The following SEL1L3 variants were observed in gnomAD, a reference collection of about 807,000 sequenced individuals.
SEL1L3 encodes protein sel-1 homolog 3.
In SEL1L3, 76 loss-of-function variants were observed where a neutral mutation model predicts 142.8. That is an observed-to-expected ratio of 0.53 (90% CI 0.44 to 0.64). SEL1L3 has a LOEUF of 0.64. Ranked by LOEUF, SEL1L3 falls within the 30% of genes least tolerant of loss-of-function variation. SEL1L3 has a pLI of 0.00. For missense variants in SEL1L3, 1,262 were observed against 1,381.7 expected (o/e 0.91, Z 1.37); for synonymous variants, 504 against 519.6 (o/e 0.97, Z 0.41).
intron 9 of SEL1L3, among the ~76,000 whole-genome samples, chr4:25,807,767 C>T (rs1229590271): frequency 6.6e-6 from 1 of 152,054 alleles, no homozygotes; most frequent in Non-Finnish European, 1.5e-5. Context: ...TTAGCAGGAG[C>T]GCCCAGGTAG....
At chr4:25,753,591 G>A (rs1305237685) in intron 23 of SEL1L3, among the ~76,000 whole-genome samples, 5 of 152,220 alleles carry the variant, frequency 3.3e-5, no homozygotes, top group South Asian at 2.1e-4. Flanking sequence ...GAGCAGCATC[G>A]CCTTTGCAGC....
chr4:25,806,105 C>T (rs1713545756), intron 9 of SEL1L3, among the ~76,000 whole-genome samples: 2 of 145,606 alleles, frequency 1.4e-5, no homozygotes, highest in African/African-American at 5.1e-5. Context: ...GTGGCGCGAT[C>T]TCGGTTCACT....
rs75277956 is a variant in SEL1L3, at chr4:25,788,615, T to C, written c.2077-251A>G. Among the ~76,000 whole-genome samples the C allele has an allele frequency of 0.088, 13,192 of 150,622 alleles. 671 individuals carry two copies. The highest frequency in any genetic ancestry group is 0.19 in the South Asian group (916 of 4,768). ...GTGTGTGTGTGTGTGTGTGTGTGTG[T>C]GTGTGTATCTACTGTACCCAGGACC... On this transcript the variant is annotated intron_variant, in intron 12 of 23. Transcript: ENST00000399878. The surrounding 1 kb of genome is among the most constrained non-coding windows in gnomAD (Gnocchi z 5.3).
At chr4:25,803,313 C>T (rs1486591700) in intron 10 of SEL1L3, among the ~76,000 whole-genome samples, 8 of 152,274 alleles carry the variant, frequency 5.3e-5, no homozygotes, top group South Asian at 4.1e-4. Flanking sequence ...GGACTGCTTC[C>T]GGGACTCAGG....
In SEL1L3 at chr4:25,762,907, C is replaced by T. The variant is rs557147413; in HGVS notation, c.2955+2419G>A. On this transcript the variant is annotated intron_variant, in intron 20 of 23. Coordinates refer to ENST00000399878, the MANE Select transcript of SEL1L3 (RefSeq NM_015187.5). ...AGGAGAATCACCTGAACCTGGGAGG[C>T]GGAAGTTGCAGTGAGCCGAGATCAT... Among the ~76,000 whole-genome samples the T allele has an allele frequency of 2.2e-4, 33 of 149,322 alleles. No individual in the cohort carries two copies. The Middle Eastern group carries it at 0.01, about 47-fold the overall frequency.
intron 9 of SEL1L3, 43 bp from the exon 10 acceptor site, chr4:25,804,795 G>A (rs759966367): frequency 1.4e-6 from 2 of 1,389,274 alleles, no homozygotes; most frequent in Non-Finnish European, 1.0e-6. Context: ...TAATTACCAT[G>A]GGATCGATGT....
chr4:25,746,531 A>AAT (rs376998677), downstream of SEL1L3, among the ~76,000 whole-genome samples: 68,573 of 117,416 alleles, frequency 0.58, 20,972 homozygotes, highest in East Asian at 0.69. Flanking sequence ...TATATATTTA[A>AAT]ATATATATAT....
chr4:25,790,158 C>T (rs1421102003), intron 12 of SEL1L3, among the ~76,000 whole-genome samples: 1 of 152,138 alleles, frequency 6.6e-6, no homozygotes, highest in Non-Finnish European at 1.5e-5. Context: ...AGAGGGGCCA[C>T]GTGATTTGCA....
At chr4:25,804,405 C>T (rs1006262399) in intron 10 of SEL1L3, 136 bp downstream of exon 10, 5 of 674,396 alleles carry the variant, frequency 7.4e-6, no homozygotes, top group Non-Finnish European at 1.0e-5. Context: ...AGCCCCAGGA[C>T]ATTTATCTTG....
chr4:25,861,072 G>T (rs867434133), intron 1 of SEL1L3, among the ~76,000 whole-genome samples: 2 of 152,128 alleles, frequency 1.3e-5, no homozygotes, highest in African/African-American at 4.8e-5. Context: ...TGTCCACGTG[G>T]AACTTTTCGG....
intron 2 of SEL1L3, among the ~76,000 whole-genome samples, chr4:25,837,100 ATTTGGGCCC>A: frequency 1.3e-5 from 2 of 152,046 alleles, no homozygotes; most frequent in East Asian, 3.9e-4. Flanking sequence ...TTTGAGCTCA[ATTTGGGCCC>A]ACTGGACTTG....
chr4:25,833,424 T>G (rs769824044), intron 4 of SEL1L3, 24 bp downstream of exon 4: 4 of 1,599,826 alleles, frequency 2.5e-6, no homozygotes, highest in Non-Finnish European at 3.4e-6. Context: ...CAATATCATT[T>G]TAAAGGTTCT....
At chr4:25,776,388 C>T (rs745914726) in intron 16 of SEL1L3, 28 bp from the exon 17 acceptor site, 12 of 1,468,338 alleles carry the variant, frequency 8.2e-6, no homozygotes, top group East Asian at 2.3e-5. Context: ...AGAGAAAATA[C>T]GCAAACCATG....
At chr4:25,805,183 A>G (rs759013400) in intron 9 of SEL1L3, among the ~76,000 whole-genome samples, 1 of 152,232 alleles carries the variant, frequency 6.6e-6, no homozygotes, top group Non-Finnish European at 1.5e-5. Context: ...CCTTAGTTTT[A>G]GATGCTTTCT....
In SEL1L3 at chr4:25,785,820, C is replaced by A. The variant is rs925767402; in HGVS notation, c.2218-1530G>T. Among the ~76,000 whole-genome samples the A allele has an allele frequency of 9.9e-5, 15 of 152,258 alleles. No individual in the cohort carries two copies. In the South Asian group the frequency reaches 2.1e-3, roughly 21 times the overall value. The stretch of plus-strand genomic sequence containing the variant: ...GGTTGAAGTATAATAAGTTTATCTT[C>A]TCCAACTCTTTTTTGTTTTGAAGAA... On this transcript the variant is annotated intron_variant, in intron 13 of 23. Coordinates refer to ENST00000399878, the MANE Select transcript of SEL1L3 (RefSeq NM_015187.5).
At chr4:25,744,803 C>T (rs777808536), downstream of SEL1L3, among the ~76,000 whole-genome samples, 6 of 152,148 alleles carry the variant, frequency 3.9e-5, no homozygotes, top group Admixed American at 2.0e-4. Flanking sequence ...CACAGACACA[C>T]GCAGAAGAGA....
At chr4:25,779,558 C>T (rs1719861140) in intron 15 of SEL1L3, among the ~76,000 whole-genome samples, 1 of 152,184 alleles carries the variant, frequency 6.6e-6, no homozygotes, top group Admixed American at 6.5e-5. Flanking sequence ...TTTCCTAACC[C>T]TGCTTAATAC....
At chr4:25,773,109 C>T (rs894410747) in intron 17 of SEL1L3, among the ~76,000 whole-genome samples, 3 of 152,136 alleles carry the variant, frequency 2.0e-5, no homozygotes, top group East Asian at 1.9e-4. Flanking sequence ...ATGTGTGAAT[C>T]TTAGGAGCAT....
chr4:25,847,324 T>G lies in SEL1L3; in HGVS notation c.703A>C (p.Asn235His), dbSNP rs1409996285. The part of the protein sequence containing the change: ...NMGYIWNLRA[N>H]RIPQCPLEND... Reference sequence around the variant, plus strand: ...TCCAGAGGACACTGTGGAATCCTGTTTGCCCGAAGGTTCCAAATATAACCC... The same window carrying G: ...TCCAGAGGACACTGTGGAATCCTGTGTGCCCGAAGGTTCCAAATATAACCC... The change falls in exon 2 of 24, where the codon AAC becomes CAC. Residue 235 changes from asparagine to histidine, a missense_variant. By Grantham distance (68) the Asn-to-His change is moderately conservative (BLOSUM62 1). Coordinates refer to ENST00000399878, the MANE Select transcript of SEL1L3 (RefSeq NM_015187.5). 1 of 1,613,710 alleles carries G rather than the reference T, an allele frequency of 6.2e-7. No homozygotes were observed. The highest frequency in any genetic ancestry group is 1.7e-5 in the Admixed American group (1 of 59,980).
Sources: allele counts gnomAD v4.1 joint callset (sites outside exome capture counted in the v4.1 genomes callset), GRCh38; gene constraint gnomAD v4.1.1; non-coding constraint Gnocchi (gnomAD v3.1); transcripts MANE v1.5; gene names NCBI Gene and HGNC (gene_info 2026-07-23, HGNC 2026-07-21).